Variants in RSPH1 observed in about 807,000 individuals in gnomAD.
RSPH1 encodes radial spoke head component 1.
Under a neutral mutation model 44.2 loss-of-function variants are expected in RSPH1, and 32 were observed. The observed-to-expected ratio is 0.72, with a 90% CI of 0.55 to 0.97. The LOEUF (loss-of-function observed/expected upper bound fraction) is 0.97, where lower values mean the gene tolerates loss of function less well. RSPH1 is among the 50% of genes least tolerant of loss of function. The pLI, the probability that RSPH1 is intolerant of heterozygous loss-of-function variation, is 0.00. For missense variants in RSPH1, 391 were observed against 398.7 expected, an observed-to-expected ratio of 0.98 and a Z score of 0.16; for synonymous variants, 134 against 147.3, an observed-to-expected ratio of 0.91 and a Z score of 0.65.
intron 3 of RSPH1, among the ~76,000 whole-genome samples, chr21:42,488,190 C>T (rs187164190): frequency 6.6e-6 from 1 of 152,248 alleles, no homozygotes; most frequent in East Asian, 1.9e-4. Flanking sequence ...AGATGAAGAT[C>T]CCCAAATTGA....
chr21:42,492,722 T>G (rs756263526), intron 3 of RSPH1, 36 bp downstream of exon 3: 1 of 1,281,432 alleles, frequency 7.8e-7, no homozygotes, highest in Non-Finnish European at 1.1e-6. Context: ...GAAAAACTTC[T>G]GTAACACGAA....
At chr21:42,493,284 C>G (rs546908842) in intron 1 of RSPH1, among the ~76,000 whole-genome samples, 1 of 152,306 alleles carries the variant, frequency 6.6e-6, no homozygotes, top group East Asian at 1.9e-4. Flanking sequence ...AGGCCACACC[C>G]CAGCACATGT....
chr21:42,475,333 G>A (rs993651319), intron 8 of RSPH1, among the ~76,000 whole-genome samples: 3 of 152,112 alleles, frequency 2.0e-5, no homozygotes, highest in Admixed American at 6.5e-5. Flanking sequence ...TTGGGAGGCC[G>A]AGGCGGGCCT....
chr21:42,477,333 T>C lies in RSPH1; in HGVS notation c.685A>G (p.Thr229Ala), dbSNP rs771498991. ...LWTPTLPKKPTSTDGPGQDAP... is the reference protein window; with the variant it reads ...LWTPTLPKKPASTDGPGQDAP... Reference sequence around the variant, plus strand: ...TCTTGGCCAGGTCCATCCGTAGAGGTCGGCTTTTTGGGGAGAGTTGGTGTC... The same window carrying C: ...TCTTGGCCAGGTCCATCCGTAGAGGCCGGCTTTTTGGGGAGAGTTGGTGTC... The change falls in exon 7 of 9, where the codon ACC (threonine) becomes GCC (alanine). Residue 229 changes from threonine (T) to alanine (A), a missense_variant. Transcript: ENST00000291536. 4.4e-6 allele frequency: 7 copies of C among 1,607,162 alleles called. No individual in the cohort carries two copies. In the African/African-American group the frequency reaches 6.8e-5, roughly 16 times the overall value.
At chr21:42,481,394 A>C (rs1361322490) in intron 6 of RSPH1, among the ~76,000 whole-genome samples, 1 of 152,108 alleles carries the variant, frequency 6.6e-6, no homozygotes, top group Non-Finnish European at 1.5e-5. Flanking sequence ...TCTTCTTTAT[A>C]ATCTACCCAG....
chr21:42,482,319 A>G (rs763511211), intron 6 of RSPH1, among the ~76,000 whole-genome samples: 31 of 152,158 alleles, frequency 2.0e-4, no homozygotes, highest in Non-Finnish European at 4.4e-4. Flanking sequence ...CCTGACCTAA[A>G]GCAATCCACC....
At chr21:42,476,866 A>G (rs895740005) in intron 7 of RSPH1, among the ~76,000 whole-genome samples, 8 of 152,098 alleles carry the variant, frequency 5.3e-5, no homozygotes, top group Non-Finnish European at 1.5e-5. Flanking sequence ...CGCACACTCA[A>G]CTGACCCAGC....
At chr21:42,490,264 T>A (rs1362783049) in intron 3 of RSPH1, among the ~76,000 whole-genome samples, 2 of 152,208 alleles carry the variant, frequency 1.3e-5, no homozygotes, top group African/African-American at 2.4e-5. Flanking sequence ...ATTGGACTTG[T>A]GTGACCATCT....
chr21:42,493,264 C>T (rs1041209470), intron 1 of RSPH1, among the ~76,000 whole-genome samples, 185 bp from the exon 2 acceptor site: 1 of 152,202 alleles, frequency 6.6e-6, no homozygotes, highest in African/African-American at 2.4e-5. Context: ...CTAGATGAGG[C>T]ACTAGACCAA....
chr21:42,494,851 C>T (rs2054271724), intron 1 of RSPH1, among the ~76,000 whole-genome samples: 1 of 152,076 alleles, frequency 6.6e-6, no homozygotes. Flanking sequence ...AGGTGCCCGC[C>T]ACCATGCCCG....
intron 3 of RSPH1, among the ~76,000 whole-genome samples, chr21:42,486,793 A>T (rs2054185404): frequency 6.6e-6 from 1 of 152,208 alleles, no homozygotes; most frequent in Admixed American, 6.5e-5. Context: ...GATGTGGGCC[A>T]CAGCCACCTG....
At chr21:42,486,638 C>A (rs896444012) in intron 3 of RSPH1, among the ~76,000 whole-genome samples, 177 bp from the exon 4 acceptor site, 8 of 152,212 alleles carry the variant, frequency 5.3e-5, no homozygotes, top group African/African-American at 1.9e-4. Flanking sequence ...TTTAACAGCA[C>A]CGACCAAGGC....
intron 7 of RSPH1, among the ~76,000 whole-genome samples, chr21:42,476,546 C>G (rs1308828624): frequency 6.6e-6 from 1 of 152,182 alleles, no homozygotes; most frequent in Non-Finnish European, 1.5e-5. Flanking sequence ...CCACCTTCAA[C>G]TTTCCCCAGC....
intron 3 of RSPH1, among the ~76,000 whole-genome samples, chr21:42,492,550 C>G (rs951628929): frequency 1.3e-5 from 2 of 152,218 alleles, no homozygotes. Context: ...AGATTTCCCA[C>G]TACAGATTCA....
chr21:42,486,433 G>T lies in RSPH1; in HGVS notation c.303C>A (p.Gly101=). Residue 101 remains glycine, a synonymous_variant, in exon 4 of 9, where the codon GGC becomes GGA. Transcript: ENST00000291536. ...EGEWANDLRH[G]HGVYYYINND... is the part of the protein sequence containing the mutation. ...TATTGATGTAGTAGTATACGCCATG[G>T]CCGTGCCGCAGGTCATTTGCCCACT... 6.2e-7 allele frequency: 1 copy of T among 1,614,000 alleles called. No individual in the cohort carries two copies. Among genetic ancestry groups the T allele is most frequent in the Non-Finnish European group, 8.5e-7 (1 of 1,179,880 alleles).
intron 3 of RSPH1, among the ~76,000 whole-genome samples, chr21:42,487,642 A>G (rs991793149): frequency 9.9e-5 from 15 of 152,236 alleles, no homozygotes; most frequent in Non-Finnish European, 5.9e-5. Context: ...TTGCAAATGA[A>G]AATTCACTTT....
At position 42,481,360 on chromosome 21, in the gene RSPH1, A is replaced by G. The variant is rs1218797240; in HGVS notation, c.573+1277T>C. On this transcript the variant is annotated intron_variant, in intron 6 of 8. Transcript: ENST00000291536. ...GTGCCATGCTTCTTGTACAGCCTGC[A>G]GAACTGTGAACCAAATAAACCTCTC... Among the ~76,000 whole-genome samples the G allele has an allele frequency of 2.6e-5, 4 of 152,292 alleles. No homozygotes were observed. In the East Asian group the frequency reaches 7.7e-4, roughly 29 times the overall value.
At chr21:42,491,761 A>G (rs2054238211) in intron 3 of RSPH1, among the ~76,000 whole-genome samples, 1 of 152,220 alleles carries the variant, frequency 6.6e-6, no homozygotes. Context: ...TATTTTATCT[A>G]GGAGCAAAGC....
chr21:42,492,820 T>A lies in RSPH1; in HGVS notation c.212A>T (p.Tyr71Phe), dbSNP rs1047978632. 1 of 1,613,434 alleles carries A rather than the reference T, an allele frequency of 6.2e-7. No individual in the cohort carries two copies. Among genetic ancestry groups the A allele is most frequent in the Non-Finnish European group, 8.5e-7 (1 of 1,179,420 alleles). The stretch of plus-strand genomic sequence containing the variant: ...TTGACCGTGCTTTTTATTTCTAACA[T>A]ATTCTCCGATATATCGAGCACCATT... Reference protein sequence around the residue: ...FKNGARYIGEYVRNKKHGQGT... With the variant: ...FKNGARYIGEFVRNKKHGQGT... Residue 71 changes from tyrosine (Y) to phenylalanine (F), a missense_variant, in exon 3 of 9, where the codon TAT becomes TTT. Physicochemically the swap from Tyr to Phe is conservative, Grantham distance 22 (BLOSUM62 3). Transcript: ENST00000291536.
Sources: gnomAD v4.1 joint callset for allele counts (sites outside exome capture counted in the v4.1 genomes callset) on GRCh38, gnomAD v4.1.1 for gene constraint, MANE v1.5 for transcripts, NCBI Gene and HGNC (gene_info 2026-07-23, HGNC 2026-07-21) for gene names.